The following TSGA10IP variants were observed in gnomAD, a reference collection of about 807,000 sequenced individuals.
The protein encoded by TSGA10IP is testis specific 10 interacting protein, also known as testis-specific protein 10-interacting protein.
TSGA10IP carries 64 observed loss-of-function variants against 63.2 expected under a neutral mutation model. The observed-to-expected ratio is 1.01, with a 90% CI of 0.83 to 1.25. The LOEUF is 1.25. Among genes scored for constraint, TSGA10IP ranks in the 50% most tolerant of loss-of-function variants. The pLI, the probability that TSGA10IP is intolerant of heterozygous loss-of-function variation, is 0.00. For synonymous variants in TSGA10IP, 316 were observed against 298.3 expected (o/e 1.06, Z -0.61); for missense variants, 681 against 710.1 (o/e 0.96, Z 0.47).
intron 5 of TSGA10IP, among the ~76,000 whole-genome samples, chr11:65,955,168 T>C (rs1205205062): frequency 1.3e-5 from 2 of 152,096 alleles, no homozygotes; most frequent in Non-Finnish European, 2.9e-5. Flanking sequence ...TAATAGCTTC[T>C]TGGGCTTTTG....
exon 3 of TSGA10IP, chr11:65,947,693 G>A: frequency 6.2e-7 from 1 of 1,602,192 alleles, no homozygotes; most frequent in Non-Finnish European, 8.5e-7. Flanking sequence ...AGAAGTGCAG[G>A]GCCAGAGCCA....
intron 5 of TSGA10IP, among the ~76,000 whole-genome samples, chr11:65,954,710 C>T (rs1026733298): frequency 1.3e-5 from 2 of 151,204 alleles, no homozygotes; most frequent in South Asian, 2.1e-4. Flanking sequence ...CCTAGCTATT[C>T]GGGAGGCTGA....
rs370534057 is a variant in TSGA10IP, at chr11:65,946,855, C to T, written c.148-25C>T. The T allele has an allele frequency of 2.1e-3, 3,457 of 1,611,098 alleles. 5 individuals are homozygous for T. Among genetic ancestry groups the T allele is most frequent in the Non-Finnish European group, 2.7e-3 (3,175 of 1,178,614 alleles). ...TCCAGGAGGCTGCTCAAGCTGGCTG[C>T]TCCTCCCCTACTGTCTCTGCCCAGG... On this transcript the variant is annotated intron_variant, in intron 1 of 7. Coordinates refer to ENST00000532620, the Ensembl canonical transcript of TSGA10IP.
intron 4 of TSGA10IP, among the ~76,000 whole-genome samples, chr11:65,950,667 A>G (rs1055852092): frequency 1.5e-4 from 22 of 151,270 alleles, no homozygotes; most frequent in Non-Finnish European, 2.8e-4. Context: ...GGTTCACGCC[A>G]TTCTCCTGCC....
At chr11:65,955,439 A>G (rs1313026473) in intron 5 of TSGA10IP, among the ~76,000 whole-genome samples, 2 of 151,946 alleles carry the variant, frequency 1.3e-5, no homozygotes, top group South Asian at 2.1e-4. Flanking sequence ...AACCCCGTCT[A>G]TACTAAAAAA....
At chr11:65,946,683 C>A (rs747378965) in intron 1 of TSGA10IP, among the ~76,000 whole-genome samples, 197 bp from the exon 2 acceptor site, 46 of 152,324 alleles carry the variant, frequency 3.0e-4, no homozygotes, top group Admixed American at 6.5e-4. Flanking sequence ...GATCCGCCCC[C>A]CTTGGCCTCC....
intron 5 of TSGA10IP, among the ~76,000 whole-genome samples, chr11:65,954,196 C>A (rs1304597463): frequency 6.7e-6 from 1 of 148,794 alleles, no homozygotes; most frequent in African/African-American, 2.5e-5. Flanking sequence ...GACGGAGTCT[C>A]GCTCTGTCGC....
exon 1 of TSGA10IP, chr11:65,945,774 C>G (rs1324392124): frequency 6.2e-7 from 1 of 1,613,976 alleles, no homozygotes; most frequent in Admixed American, 1.7e-5. Context: ...CTCCAGGAAC[C>G]AGAACGGGGC....
At chr11:65,946,830 T>G (rs760086269) in intron 1 of TSGA10IP, 50 bp from the exon 2 acceptor site, 3 of 1,596,302 alleles carry the variant, frequency 1.9e-6, no homozygotes, top group South Asian at 2.3e-5. Context: ...TGCAACACAG[T>G]CCAGGAGGCT....
At chr11:65,952,475 G>A (rs1420788029) in intron 4 of TSGA10IP, among the ~76,000 whole-genome samples, 1 of 151,886 alleles carries the variant, frequency 6.6e-6, no homozygotes, top group Non-Finnish European at 1.5e-5. Flanking sequence ...GTGTGGCAGA[G>A]TCTCAATCTG....
intron 6 of TSGA10IP, 62 bp from the exon 7 acceptor site, chr11:65,959,128 G>A (rs951467816): frequency 5.7e-6 from 9 of 1,580,856 alleles, no homozygotes; most frequent in African/African-American, 1.3e-5. Context: ...TCAGTAACCC[G>A]ATCCCCACCT....
At chr11:65,957,932 A>G (rs1855053136) in intron 5 of TSGA10IP, among the ~76,000 whole-genome samples, 1 of 152,242 alleles carries the variant, frequency 6.6e-6, no homozygotes, top group South Asian at 2.1e-4. Context: ...TCAAACAGAC[A>G]CATTTCTGAC....
intron 5 of TSGA10IP, among the ~76,000 whole-genome samples, chr11:65,954,474 G>C (rs917682207): frequency 6.6e-6 from 1 of 151,836 alleles, no homozygotes; most frequent in East Asian, 1.9e-4. Flanking sequence ...GCACCTGGCC[G>C]TGACCATTTT....
intron 1 of TSGA10IP, among the ~76,000 whole-genome samples, chr11:65,946,172 C>T (rs553685406): frequency 3.1e-4 from 47 of 152,188 alleles, no homozygotes; most frequent in African/African-American, 1.1e-3. Flanking sequence ...AGTCCAGGGC[C>T]CAGAGGTGGC....
chr11:65,949,902 G>A lies in TSGA10IP; in HGVS notation c.1151+1754G>A, dbSNP rs560562032. Among the ~76,000 whole-genome samples, 3 of 134,658 alleles carry A rather than the reference G, an allele frequency of 2.2e-5. No homozygotes were observed. In the East Asian group the frequency reaches 6.9e-4, roughly 31 times the overall value. 88.3% of individuals were successfully genotyped at this position (134,658 alleles called of 152,430 possible). On this transcript the variant is annotated intron_variant, in intron 4 of 7. Transcript: ENST00000532620. Reference sequence around the variant, plus strand: ...AGAGTCTTGCTCTGTTCCCAGGCTGGAGTGCTGTGGTGTGATCTCAGTTCA... The same window carrying A: ...AGAGTCTTGCTCTGTTCCCAGGCTGAAGTGCTGTGGTGTGATCTCAGTTCA...
chr11:65,951,009 T>C (rs1323153762), intron 4 of TSGA10IP, among the ~76,000 whole-genome samples: 5 of 152,246 alleles, frequency 3.3e-5, no homozygotes, highest in Admixed American at 2.0e-4. Flanking sequence ...TCCAGGTTTA[T>C]GCATGTTGTT....
At chr11:65,957,681 G>A (rs745571629) in intron 5 of TSGA10IP, among the ~76,000 whole-genome samples, 7 of 152,154 alleles carry the variant, frequency 4.6e-5, no homozygotes, top group Non-Finnish European at 5.9e-5. Context: ...TTTTTCCACC[G>A]GGCCCAGCAC....
rs558348711 is a variant in TSGA10IP, at chr11:65,957,759, T to C, written c.1323-1124T>C. Among the ~76,000 whole-genome samples the C allele has an allele frequency of 2.0e-5, 3 of 152,212 alleles. No homozygotes were observed. In the East Asian group the frequency reaches 5.8e-4, roughly 29 times the overall value. On this transcript the variant is annotated intron_variant, in intron 5 of 7. Coordinates refer to ENST00000532620, the Ensembl canonical transcript of TSGA10IP. ...TCTCCCCTCCCCTCCTGTCCTCTTG[T>C]CTGCGTCTTCCCTCCCCTCCTGTCC...
At chr11:65,946,735 T>G in intron 1 of TSGA10IP, 145 bp from the exon 2 acceptor site, 1 of 881,354 alleles carries the variant, frequency 1.1e-6, no homozygotes, top group Non-Finnish European at 1.7e-6. Flanking sequence ...CATCCAGCCC[T>G]GTTTGGTTGG....
Sources: allele counts gnomAD v4.1 joint callset (sites outside exome capture counted in the v4.1 genomes callset), GRCh38; gene constraint gnomAD v4.1.1; transcripts MANE v1.5; gene names NCBI Gene and HGNC (gene_info 2026-07-23, HGNC 2026-07-21).